Variants in MGAT4C observed in about 807,000 individuals in gnomAD.
MGAT4C encodes alpha-1,3-mannosyl-glycoprotein 4-beta-N-acetylglucosaminyltransferase C.
In MGAT4C, 19 loss-of-function variants were observed where a neutral mutation model predicts 40.1. The observed-to-expected ratio is 0.47, with a 90% confidence interval of 0.33 to 0.70. The LOEUF (loss-of-function observed/expected upper bound fraction) is 0.70. MGAT4C is among the 30% of genes least tolerant of loss of function. The pLI is 0.02. For missense variants in MGAT4C, 491 were observed against 563.2 expected (o/e 0.87, Z 1.30); for synonymous variants, 181 against 187.1 (o/e 0.97, Z 0.27).
At chr12:86,817,877 G>A (rs1952634826) in intron 1 of MGAT4C, among the ~76,000 whole-genome samples, 1 of 151,238 alleles carries the variant, frequency 6.6e-6, no homozygotes, top group Admixed American at 6.6e-5. Flanking sequence ...ATAGAGTGTG[G>A]GCCTTTTAAA....
intron 2 of MGAT4C, among the ~76,000 whole-genome samples, chr12:86,652,630 T>G (rs568500063): frequency 6.6e-6 from 1 of 152,024 alleles, no homozygotes. Flanking sequence ...TATTTGGCAC[T>G]ATTGTTGCTG....
chr12:86,099,883 A>T (rs1874655083), intron 1 of MGAT4C, among the ~76,000 whole-genome samples: 1 of 151,390 alleles, frequency 6.6e-6, no homozygotes, highest in African/African-American at 2.4e-5. Context: ...AATGTTTTAG[A>T]TGTGTTCTTA....
chr12:86,685,039 A>T (rs1398502312), intron 2 of MGAT4C, among the ~76,000 whole-genome samples: 1 of 152,112 alleles, frequency 6.6e-6, no homozygotes, highest in Non-Finnish European at 1.5e-5. Context: ...TTTTAGTTTA[A>T]TAAGATCCCA....
intron 3 of MGAT4C, among the ~76,000 whole-genome samples, chr12:86,392,259 G>A (rs61949483): frequency 0.079 from 12,022 of 152,134 alleles, 674 homozygotes; most frequent in Middle Eastern, 0.22. Flanking sequence ...ATCACCTGAG[G>A]TCAGGAGTTC....
intron 1 of MGAT4C, among the ~76,000 whole-genome samples, chr12:86,065,127 G>C (rs948978663): frequency 6.6e-6 from 1 of 152,138 alleles, no homozygotes; most frequent in Non-Finnish European, 1.5e-5. Context: ...CATTCTACCA[G>C]AGGTACAAAG....
At chr12:86,603,931 A>G (rs1961946692) in intron 2 of MGAT4C, among the ~76,000 whole-genome samples, 1 of 151,008 alleles carries the variant, frequency 6.6e-6, no homozygotes, top group Non-Finnish European at 1.5e-5. Flanking sequence ...GGATATCTTA[A>G]TTAACCTGAT....
chr12:86,553,113 A>G (rs1959446586), intron 2 of MGAT4C, among the ~76,000 whole-genome samples: 1 of 152,154 alleles, frequency 6.6e-6, no homozygotes, highest in Non-Finnish European at 1.5e-5. Context: ...GTACCGGCAC[A>G]TAATTATCAA....
At chr12:86,206,381 T>A (rs533345268) in intron 1 of MGAT4C, among the ~76,000 whole-genome samples, 1 of 152,182 alleles carries the variant, frequency 6.6e-6, no homozygotes, top group Non-Finnish European at 1.5e-5. Flanking sequence ...CCAAAGTTTG[T>A]CAGAAATATC....
chr12:86,125,480 T>C (rs1487463680), intron 1 of MGAT4C, among the ~76,000 whole-genome samples: 1 of 152,174 alleles, frequency 6.6e-6, no homozygotes, highest in African/African-American at 2.4e-5. Flanking sequence ...TTTTCCCTTC[T>C]TGACTCATAT....
chr12:85,980,439 A>G lies in MGAT4C; in HGVS notation c.296-9T>C. Reference sequence around the variant, plus strand: ...TCCAATTGTAAGATACCCTGCAAAAAAGAATTCAGAAGCAATACAAATGTG... The same window carrying G: ...TCCAATTGTAAGATACCCTGCAAAAGAGAATTCAGAAGCAATACAAATGTG... On this transcript the variant is annotated splice_polypyrimidine_tract_variant and intron_variant, in intron 4 of 4. Coordinates refer to ENST00000611864, the MANE Select transcript of MGAT4C (RefSeq NM_001351288.2). 6.4e-7 allele frequency: 1 copy of G among 1,558,746 alleles called. No homozygotes were observed. The highest frequency in any genetic ancestry group is 8.6e-7 in the Non-Finnish European group (1 of 1,156,612).
At chr12:86,269,970 T>C (rs1387633024) in intron 4 of MGAT4C, among the ~76,000 whole-genome samples, 2 of 152,156 alleles carry the variant, frequency 1.3e-5, no homozygotes, top group Admixed American at 1.3e-4. Context: ...ATAAAGTATA[T>C]TCACGCTGTT....
intron 1 of MGAT4C, among the ~76,000 whole-genome samples, chr12:86,143,549 AG>A (rs1883137609): frequency 6.6e-6 from 1 of 152,188 alleles, no homozygotes; most frequent in African/African-American, 2.4e-5. Flanking sequence ...ATTTACGCTT[AG>A]GGTATTTTTG....
chr12:86,382,759 C>T (rs144093493), intron 3 of MGAT4C, among the ~76,000 whole-genome samples: 3 of 152,308 alleles, frequency 2.0e-5, no homozygotes, highest in African/African-American at 7.2e-5. Flanking sequence ...AGAGCTTGGG[C>T]CATGGCTTCA....
chr12:86,744,952 G>C (rs561641545), intron 1 of MGAT4C: 4 of 151,704 alleles, frequency 2.6e-5, no homozygotes, highest in African/African-American at 9.6e-5. Context: ...GTGACTTGTG[G>C]AAGAAGAACC....
intron 4 of MGAT4C, among the ~76,000 whole-genome samples, chr12:86,264,069 C>T (rs2136099395): frequency 6.6e-6 from 1 of 152,168 alleles, no homozygotes; most frequent in South Asian, 2.1e-4. Flanking sequence ...GTTCTTTCTA[C>T]ATCCTGGATA....
At chr12:86,579,526 C>T (rs1401042145) in intron 2 of MGAT4C, among the ~76,000 whole-genome samples, 4 of 151,512 alleles carry the variant, frequency 2.6e-5, no homozygotes, top group South Asian at 2.1e-4. Context: ...AAAGTTGTTG[C>T]GGTAATTATT....
chr12:86,635,409 A>G (rs572181422), intron 2 of MGAT4C, among the ~76,000 whole-genome samples: 147 of 152,170 alleles, frequency 9.7e-4, no homozygotes, highest in Non-Finnish European at 1.6e-3. Context: ...TCACACATCA[A>G]TTACATAGTA....
At chr12:86,472,964 T>C (rs1957777393) in intron 2 of MGAT4C, among the ~76,000 whole-genome samples, 1 of 152,088 alleles carries the variant, frequency 6.6e-6, no homozygotes, top group East Asian at 1.9e-4. Flanking sequence ...TTTACGTATT[T>C]ATTTATTTAG....
intron 1 of MGAT4C, among the ~76,000 whole-genome samples, chr12:86,248,398 T>A (rs1237089965): frequency 6.6e-6 from 1 of 152,032 alleles, no homozygotes; most frequent in Non-Finnish European, 1.5e-5. Flanking sequence ...TCTGTGGATT[T>A]TTTTTTGTTC....
Sources: gnomAD v4.1 joint callset for allele counts (sites outside exome capture counted in the v4.1 genomes callset) on GRCh38, gnomAD v4.1.1 for gene constraint, MANE v1.5 for transcripts, NCBI Gene and HGNC (gene_info 2026-07-23, HGNC 2026-07-21) for gene names.